ADAMTS17: variants seen among roughly 807,000 people sequenced by gnomAD.
ADAMTS17 encodes the protein A disintegrin and metalloproteinase with thrombospondin motifs 17.
ADAMTS17 carries 113 observed loss-of-function variants against 141.5 expected under a neutral mutation model. The observed-to-expected ratio is 0.80, with a 90% CI of 0.69 to 0.93. ADAMTS17 has a LOEUF of 0.93. Among genes scored for constraint, ADAMTS17 ranks in the 40% least tolerant of loss-of-function variants. The pLI is 0.00. For missense variants in ADAMTS17, 1,659 were observed against 1,517.9 expected (o/e 1.09, Z -1.54); for synonymous variants, 768 against 630.6 (o/e 1.22, Z -3.27).
chr15:100,148,093 C>A (rs539328000), intron 10 of ADAMTS17, among the ~76,000 whole-genome samples: 9 of 152,236 alleles, frequency 5.9e-5, no homozygotes, highest in African/African-American at 2.2e-4. Context: ...CTTGAGTACA[C>A]TGGGCCACCC....
chr15:100,170,337 C>T (rs1456542068), intron 8 of ADAMTS17, among the ~76,000 whole-genome samples: 1 of 152,198 alleles, frequency 6.6e-6, no homozygotes, highest in Non-Finnish European at 1.5e-5. Flanking sequence ...CCTTGTAGCT[C>T]CCTCATCTGA....
intron 7 of ADAMTS17, 72 bp downstream of exon 7, chr15:100,254,064 G>C: frequency 1.4e-6 from 2 of 1,468,166 alleles, no homozygotes; most frequent in Non-Finnish European, 1.9e-6. Context: ...CTCCTCCACT[G>C]TGACCAGGAA....
chr15:100,315,524 G>T (rs2045537789), intron 3 of ADAMTS17, among the ~76,000 whole-genome samples: 1 of 152,150 alleles, frequency 6.6e-6, no homozygotes, highest in African/African-American at 2.4e-5. Flanking sequence ...CTAGATAAGA[G>T]GGCACGTTAC....
At chr15:100,120,531 C>T (rs2037400358) in intron 12 of ADAMTS17, among the ~76,000 whole-genome samples, 1 of 152,300 alleles carries the variant, frequency 6.6e-6, no homozygotes, top group South Asian at 2.1e-4. Flanking sequence ...CAGGGGATTT[C>T]CCTCCTTTTT....
chr15:100,338,040 T>C (rs753325006), intron 2 of ADAMTS17, among the ~76,000 whole-genome samples: 1 of 152,180 alleles, frequency 6.6e-6, no homozygotes, highest in Non-Finnish European at 1.5e-5. Context: ...AAAAAACCCA[T>C]GCTCTAAAGA....
chr15:100,239,750 A>G (rs909700904), intron 7 of ADAMTS17, among the ~76,000 whole-genome samples: 1 of 152,176 alleles, frequency 6.6e-6, no homozygotes, highest in Non-Finnish European at 1.5e-5. Flanking sequence ...TGTGGCCAGG[A>G]GGAAGGTGGA....
intron 8 of ADAMTS17, among the ~76,000 whole-genome samples, chr15:100,182,517 CTACA>C (rs1251981105): frequency 1.3e-5 from 2 of 152,166 alleles, no homozygotes; most frequent in African/African-American, 4.8e-5. Flanking sequence ...CCTCTCTGTG[CTACA>C]CTGTGGCTGC....
At chr15:100,147,186 TC>T (rs1214370421) in intron 10 of ADAMTS17, among the ~76,000 whole-genome samples, 2 of 152,146 alleles carry the variant, frequency 1.3e-5, no homozygotes, top group African/African-American at 2.4e-5. Context: ...ATGTGATGTC[TC>T]CCCTGGACGC....
At chr15:100,054,375 C>T (rs2032391502) in intron 15 of ADAMTS17, among the ~76,000 whole-genome samples, 1 of 152,180 alleles carries the variant, frequency 6.6e-6, no homozygotes, top group East Asian at 1.9e-4. Flanking sequence ...ATGGAGAAGA[C>T]CATGGTCTGA....
chr15:100,152,461 C>T (rs536358696), intron 10 of ADAMTS17, 151 bp downstream of exon 10: 26 of 1,017,236 alleles, frequency 2.6e-5, no homozygotes, highest in Admixed American at 2.2e-4. Context: ...TGTATGCAAA[C>T]GTGTGTGTGC....
chr15:100,220,619 G>T (rs926097756), intron 7 of ADAMTS17, among the ~76,000 whole-genome samples: 4 of 152,164 alleles, frequency 2.6e-5, no homozygotes, highest in African/African-American at 9.7e-5. Flanking sequence ...CATAATTCGA[G>T]AAGATTTTCA....
intron 3 of ADAMTS17, among the ~76,000 whole-genome samples, chr15:100,317,309 A>G (rs1441180053): frequency 1.3e-5 from 2 of 152,184 alleles, no homozygotes; most frequent in Admixed American, 1.3e-4. Flanking sequence ...ATGACGACTG[A>G]ACACTCAGGG....
At chr15:100,099,704 G>A (rs938742069) in intron 14 of ADAMTS17, among the ~76,000 whole-genome samples, 1 of 152,202 alleles carries the variant, frequency 6.6e-6, no homozygotes, top group Non-Finnish European at 1.5e-5. Flanking sequence ...AAAGGACCAA[G>A]GAACAATGTC....
At chr15:100,072,252 A>G (rs562240338) in intron 15 of ADAMTS17, among the ~76,000 whole-genome samples, 7 of 147,856 alleles carry the variant, frequency 4.7e-5, no homozygotes, top group Non-Finnish European at 9.0e-5. Flanking sequence ...CAATGAAATA[A>G]AAGAGGATAC....
intron 7 of ADAMTS17, among the ~76,000 whole-genome samples, chr15:100,244,685 G>A (rs967921162): frequency 6.6e-6 from 1 of 152,102 alleles, no homozygotes; most frequent in Non-Finnish European, 1.5e-5. Context: ...GAGGGCCACT[G>A]TACAGGGAGC....
intron 20 of ADAMTS17, among the ~76,000 whole-genome samples, chr15:99,984,548 G>A (rs868277757): frequency 1.3e-5 from 2 of 152,186 alleles, no homozygotes; most frequent in African/African-American, 4.8e-5. Context: ...TGAAAATAAC[G>A]ATGATCAAAA....
chr15:100,199,460 G>A (rs751536213), intron 7 of ADAMTS17, 37 bp from the exon 8 acceptor site: 9 of 1,579,434 alleles, frequency 5.7e-6, no homozygotes, highest in South Asian at 3.3e-5. Flanking sequence ...TCTTCAGAAC[G>A]TGGGAGGCCC....
chr15:100,040,544 A>G (rs909736682), intron 18 of ADAMTS17, among the ~76,000 whole-genome samples: 1 of 152,182 alleles, frequency 6.6e-6, no homozygotes, highest in East Asian at 1.9e-4. Flanking sequence ...GGAAGAGAGA[A>G]GGATCTCTTT....
At chr15:100,133,146 A>C (rs2038142022) in intron 11 of ADAMTS17, 68 bp downstream of exon 11, 1 of 1,418,890 alleles carries the variant, frequency 7.0e-7, no homozygotes, top group Non-Finnish European at 9.7e-7. Context: ...ATTGTGTGTC[A>C]GAAGAGGTGC....
Sources: gnomAD v4.1 joint callset for allele counts (sites outside exome capture counted in the v4.1 genomes callset) on GRCh38, gnomAD v4.1.1 for gene constraint, MANE v1.5 for transcripts, NCBI Gene and HGNC (gene_info 2026-07-23, HGNC 2026-07-21) for gene names.